Variants in SSH2 observed in about 807,000 individuals in gnomAD.
The protein encoded by SSH2 is slingshot protein phosphatase 2, also known as protein phosphatase Slingshot homolog 2.
Under a neutral mutation model 135.2 loss-of-function variants are expected in SSH2, and 37 were observed. That is an observed-to-expected ratio of 0.27 (90% CI 0.21 to 0.36). The LOEUF (loss-of-function observed/expected upper bound fraction) is 0.36. Among genes scored for constraint, SSH2 ranks in the 10% least tolerant of loss-of-function variants. The pLI is 1.00. For synonymous variants in SSH2, 628 were observed against 646.2 expected (o/e 0.97, Z 0.43); for missense variants, 1,408 against 1,765.3 (o/e 0.80, Z 3.63).
At chr17:29,899,831 C>A (rs1255742916) in intron 1 of SSH2, among the ~76,000 whole-genome samples, 1 of 152,162 alleles carries the variant, frequency 6.6e-6, no homozygotes, top group Non-Finnish European at 1.5e-5. Context: ...CAAGTCAATC[C>A]TAAGCCAAAA....
chr17:29,803,202 T>C (rs939769833), intron 2 of SSH2, among the ~76,000 whole-genome samples: 3 of 152,232 alleles, frequency 2.0e-5, no homozygotes, highest in Admixed American at 1.3e-4. Context: ...TTATATTTTA[T>C]GATTTTATGG....
At chr17:29,811,856 A>C (rs898305302) in intron 2 of SSH2, among the ~76,000 whole-genome samples, 6 of 152,174 alleles carry the variant, frequency 3.9e-5, no homozygotes, top group African/African-American at 1.2e-4. Flanking sequence ...GAACCAAATA[A>C]TTTAATGCAA....
intron 1 of SSH2, among the ~76,000 whole-genome samples, chr17:29,888,850 G>A (rs1461970792): frequency 6.9e-6 from 1 of 145,594 alleles, no homozygotes; most frequent in East Asian, 2.0e-4. Flanking sequence ...TGAGGTGGGA[G>A]GATCACTTGA....
Position 29,632,696 on chromosome 17 carries a change from T to A in SSH2, c.2498A>T (p.Asp833Val), listed in dbSNP as rs749881568. The change falls in exon 16 of 16, where the codon GAT becomes GTT. Residue 833 changes from aspartate (D) to valine (V), a missense_variant. Asp to Val is a radical substitution (Grantham distance 152). Transcript: ENST00000540801. ...AGGCTGGGCTGTGCAGGAGTCCTCA[T>A]CTTGCTCCATATGTCCAGGTTTGTT... ...PENKPGHMEQ[D>V]EDSCTAQPEL... The A allele has an allele frequency of 6.8e-6, 11 of 1,614,062 alleles. No individual in the cohort carries two copies. Among genetic ancestry groups the A allele is most frequent in the Non-Finnish European group, 8.5e-7 (1 of 1,180,042 alleles).
intron 1 of SSH2, among the ~76,000 whole-genome samples, chr17:29,870,818 T>C (rs776805914): frequency 9.2e-5 from 14 of 152,212 alleles, no homozygotes; most frequent in Non-Finnish European, 1.9e-4. Context: ...AGTTTTCTCT[T>C]AGAGTTTTTC....
At chr17:29,661,269 C>A (rs974875400) in intron 11 of SSH2, among the ~76,000 whole-genome samples, 3 of 152,098 alleles carry the variant, frequency 2.0e-5, no homozygotes, top group African/African-American at 7.2e-5. Flanking sequence ...TCATGCTCTC[C>A]TTCTAGAATT....
intron 2 of SSH2, among the ~76,000 whole-genome samples, chr17:29,806,508 T>C (rs558502034): frequency 5.3e-5 from 8 of 152,336 alleles, no homozygotes; most frequent in Admixed American, 1.3e-4. Flanking sequence ...ATTTCCTTCA[T>C]TGTAGCCTGA....
intron 1 of SSH2, chr17:29,925,452 A>G (rs1322088582): frequency 2.5e-6 from 1 of 398,452 alleles, no homozygotes; most frequent in African/African-American, 2.1e-5. Flanking sequence ...ACAGTGGCTC[A>G]TGACTATAAT....
At chr17:29,899,098 T>A (rs1262918007) in intron 1 of SSH2, among the ~76,000 whole-genome samples, 1 of 152,094 alleles carries the variant, frequency 6.6e-6, no homozygotes, top group Non-Finnish European at 1.5e-5. Flanking sequence ...CTAAAAACTC[T>A]CAATAAATTA....
chr17:29,657,684 C>T (rs2036851593), intron 11 of SSH2, among the ~76,000 whole-genome samples: 1 of 150,278 alleles, frequency 6.7e-6, no homozygotes, highest in African/African-American at 2.5e-5. Context: ...CATCCTCCTG[C>T]CTCAGCCTCC....
At chr17:29,908,763 G>GAAAAAAAAAAA (rs60242323) in intron 1 of SSH2, among the ~76,000 whole-genome samples, 1 of 50,888 alleles carries the variant, frequency 2.0e-5, no homozygotes, top group Non-Finnish European at 3.2e-5. Flanking sequence ...GACTCCATCT[G>GAAAAAAAAAAA]AAAAAAAAAA....
chr17:29,673,449 A>G (rs2037576495), intron 8 of SSH2, among the ~76,000 whole-genome samples: 1 of 152,028 alleles, frequency 6.6e-6, no homozygotes, highest in South Asian at 2.1e-4. Context: ...ACATGCCTGT[A>G]GTCCTAGGTA....
At chr17:29,737,441 C>T (rs930835376) in intron 3 of SSH2, among the ~76,000 whole-genome samples, 1 of 152,048 alleles carries the variant, frequency 6.6e-6, no homozygotes, top group African/African-American at 2.4e-5. Context: ...GTGACTTGGT[C>T]TTTTTTTGTC....
intron 3 of SSH2, among the ~76,000 whole-genome samples, chr17:29,731,485 T>TC (rs2040197094): frequency 1.3e-5 from 2 of 151,938 alleles, no homozygotes; most frequent in African/African-American, 2.4e-5. Flanking sequence ...AGATGGAGTC[T>TC]CACTCTGTCG....
At chr17:29,907,022 G>C (rs1426719735) in intron 1 of SSH2, among the ~76,000 whole-genome samples, 1 of 152,136 alleles carries the variant, frequency 6.6e-6, no homozygotes, top group Non-Finnish European at 1.5e-5. Context: ...TATATACCCA[G>C]AGGAATATAA....
chr17:29,634,503 A>C (rs1051729773), intron 15 of SSH2, among the ~76,000 whole-genome samples: 6 of 152,332 alleles, frequency 3.9e-5, no homozygotes, highest in Middle Eastern at 3.4e-3. Context: ...CACAAAGAAG[A>C]ATCTTAGGAT....
chr17:29,843,485 AG>A (rs2043078844), intron 2 of SSH2, among the ~76,000 whole-genome samples: 1 of 151,766 alleles, frequency 6.6e-6, no homozygotes, highest in African/African-American at 2.4e-5. Flanking sequence ...TGAATCCAGG[AG>A]GTAGAGGCTG....
intron 2 of SSH2, among the ~76,000 whole-genome samples, chr17:29,829,355 A>T (rs1376191007): frequency 1.3e-5 from 2 of 152,152 alleles, no homozygotes; most frequent in Non-Finnish European, 2.9e-5. Flanking sequence ...CCACACCATA[A>T]CACCATACTA....
At chr17:29,912,999 T>G (rs367878817) in intron 1 of SSH2, among the ~76,000 whole-genome samples, 2 of 151,342 alleles carry the variant, frequency 1.3e-5, no homozygotes, top group Admixed American at 6.6e-5. Flanking sequence ...AGAACCCAAG[T>G]GGCCACCTGA....
Sources: gnomAD v4.1 joint callset for allele counts (sites outside exome capture counted in the v4.1 genomes callset) on GRCh38, gnomAD v4.1.1 for gene constraint, MANE v1.5 for transcripts, NCBI Gene and HGNC (gene_info 2026-07-23, HGNC 2026-07-21) for gene names.